EVL: variants seen among roughly 807,000 people sequenced by gnomAD.
EVL encodes the protein Enah/Vasp-like, also known as ena/VASP-like protein.
EVL carries 21 observed loss-of-function variants against 59.6 expected under a neutral mutation model. The observed-to-expected ratio is 0.35, with a 90% CI of 0.25 to 0.51. The LOEUF (loss-of-function observed/expected upper bound fraction) is 0.51. Among genes scored for constraint, EVL ranks in the 20% least tolerant of loss-of-function variants. EVL has a pLI of 0.97. For missense variants in EVL, 462 were observed against 546.6 expected, an observed-to-expected ratio of 0.85 and a Z score of 1.54; for synonymous variants, 198 against 203.5, an observed-to-expected ratio of 0.97 and a Z score of 0.23.
chr14:100,112,020 AC>A (rs1887026491), intron 3 of EVL, among the ~76,000 whole-genome samples: 1 of 152,102 alleles, frequency 6.6e-6, no homozygotes, highest in Admixed American at 6.5e-5. Context: ...CTAGCCACAT[AC>A]CCACATCTTC....
At chr14:99,985,828 T>G (rs2060836662) in intron 1 of EVL, among the ~76,000 whole-genome samples, 1 of 152,052 alleles carries the variant, frequency 6.6e-6, no homozygotes, top group African/African-American at 2.4e-5. Context: ...TTAGTGGCCC[T>G]TCTGTGGACC....
chr14:100,035,187 C>T (rs2061370272), intron 1 of EVL, among the ~76,000 whole-genome samples: 1 of 152,058 alleles, frequency 6.6e-6, no homozygotes, highest in Non-Finnish European at 1.5e-5. Context: ...AAAATGAAGT[C>T]ACTCAATTAG....
chr14:99,977,976 A>G (rs1185497966), intron 1 of EVL: 1 of 152,120 alleles, frequency 6.6e-6, no homozygotes, highest in African/African-American at 2.4e-5. Flanking sequence ...GGGCGACTGT[A>G]ATCCCAGCTA....
intron 1 of EVL, among the ~76,000 whole-genome samples, chr14:100,012,202 C>T (rs1254516900): frequency 6.6e-6 from 1 of 152,156 alleles, no homozygotes; most frequent in African/African-American, 2.4e-5. Context: ...TCCTATACCC[C>T]AGCTTCATAT....
At chr14:100,071,789 C>T (rs764431263) in intron 1 of EVL, among the ~76,000 whole-genome samples, 6 of 152,146 alleles carry the variant, frequency 3.9e-5, no homozygotes, top group Non-Finnish European at 7.4e-5. Flanking sequence ...AGGATGCAGG[C>T]GTCACTTGAA....
chr14:100,041,467 A>G (rs993359523), intron 1 of EVL, among the ~76,000 whole-genome samples: 4 of 152,292 alleles, frequency 2.6e-5, no homozygotes, highest in South Asian at 4.1e-4. Flanking sequence ...GGATGGGGCA[A>G]TTTCCTGTGG....
At chr14:100,032,825 A>G (rs1016971267) in intron 1 of EVL, among the ~76,000 whole-genome samples, 2 of 152,268 alleles carry the variant, frequency 1.3e-5, no homozygotes, top group East Asian at 3.9e-4. Flanking sequence ...AATTTCCTCT[A>G]TCTTATCCTC....
chr14:100,100,855 C>A (rs1297827306), intron 3 of EVL, among the ~76,000 whole-genome samples: 1 of 151,728 alleles, frequency 6.6e-6, no homozygotes, highest in Non-Finnish European at 1.5e-5. Context: ...GGTACTCTGC[C>A]GAGGACCATG....
At chr14:100,074,936 GT>G (rs1295958324) in intron 1 of EVL, 1 of 152,476 alleles carries the variant, frequency 6.6e-6, no homozygotes, top group Non-Finnish European at 1.5e-5. Flanking sequence ...GCAGAGGGGA[GT>G]TCATAGTGTG....
intron 1 of EVL, among the ~76,000 whole-genome samples, chr14:100,017,715 A>C (rs1595565433): frequency 2.6e-5 from 4 of 152,232 alleles, no homozygotes; most frequent in African/African-American, 9.6e-5. Context: ...TGATTCTGCC[A>C]AGAAGCTGCC....
chr14:100,139,039 T>A (rs1413703612), intron 11 of EVL: 1 of 152,314 alleles, frequency 6.6e-6, no homozygotes, highest in Non-Finnish European at 1.5e-5. Flanking sequence ...GTTTGCATTG[T>A]GTTCATGCGC....
intron 1 of EVL, among the ~76,000 whole-genome samples, chr14:100,054,495 C>T (rs1004803031): frequency 6.6e-6 from 1 of 152,196 alleles, no homozygotes; most frequent in South Asian, 2.1e-4. Flanking sequence ...GAGTCCATAC[C>T]CCAGCCACTT....
intron 1 of EVL, among the ~76,000 whole-genome samples, chr14:100,046,909 C>CGTGG (rs1209154144): frequency 1.5e-4 from 23 of 150,972 alleles, no homozygotes; most frequent in Non-Finnish European, 2.8e-4. Flanking sequence ...CCTGCCACCA[C>CGTGG]GCCCAGCTAA....
In EVL at chr14:100,124,206, C is replaced by T. The variant is rs540631490; in HGVS notation, c.422+604C>T. Among the ~76,000 whole-genome samples, 3 of 152,356 alleles carry T rather than the reference C, an allele frequency of 2.0e-5. No homozygotes were observed. In the East Asian group the frequency reaches 5.8e-4, roughly 29 times the overall value. ...CTCAGCGATGGGTCCTCTGCCTCTT[C>T]TGTGTCGAGGGAGGTAGGGCCTGGC... On this transcript the variant is annotated intron_variant, in intron 4 of 13. Transcript: ENST00000392920.
chr14:100,066,866 C>T (rs1390014993), intron 1 of EVL, among the ~76,000 whole-genome samples: 1 of 152,166 alleles, frequency 6.6e-6, no homozygotes, highest in African/African-American at 2.4e-5. Context: ...TTTTGGGCAC[C>T]TTATTCTCCA....
At chr14:100,031,167 A>C (rs976592257) in intron 1 of EVL, among the ~76,000 whole-genome samples, 2 of 152,192 alleles carry the variant, frequency 1.3e-5, no homozygotes, top group Non-Finnish European at 2.9e-5. Context: ...CTCAACTGGG[A>C]AGGCCCATTG....
intron 8 of EVL, 83 bp downstream of exon 8, chr14:100,132,862 C>A: frequency 1.3e-6 from 2 of 1,497,692 alleles, no homozygotes; most frequent in South Asian, 1.1e-5. Context: ...TCAGGCGAGG[C>A]CTTTGGGACA....
intron 4 of EVL, among the ~76,000 whole-genome samples, chr14:100,124,342 C>A (rs1270622601): frequency 6.6e-6 from 1 of 152,212 alleles, no homozygotes; most frequent in Non-Finnish European, 1.5e-5. Context: ...CTTCTGCCCC[C>A]ACCTACCCCT....
chr14:99,997,054 G>T (rs1294028149), intron 1 of EVL, among the ~76,000 whole-genome samples: 1 of 152,188 alleles, frequency 6.6e-6, no homozygotes, highest in Non-Finnish European at 1.5e-5. Flanking sequence ...GAGAGTCACG[G>T]TACTGACTGG....
Sources: allele counts gnomAD v4.1 joint callset (sites outside exome capture counted in the v4.1 genomes callset), GRCh38; gene constraint gnomAD v4.1.1; transcripts MANE v1.5; gene names NCBI Gene and HGNC (gene_info 2026-07-23, HGNC 2026-07-21).